CDH18: variants seen among roughly 807,000 people sequenced by gnomAD.
The protein encoded by CDH18 is cadherin 18, also known as cadherin-18.
Under a neutral mutation model 67.9 loss-of-function variants are expected in CDH18, and 31 were observed. That is an observed-to-expected ratio of 0.46 (90% CI 0.34 to 0.62). CDH18 has a LOEUF of 0.62. CDH18 is among the 20% of genes least tolerant of loss of function. The probability of loss-of-function intolerance (pLI) is 0.01; values close to 1 mark genes in which losing one functional copy is unlikely to be tolerated. For missense variants in CDH18, 890 were observed against 975.5 expected (o/e 0.91, Z 1.17); for synonymous variants, 362 against 347.2 (o/e 1.04, Z -0.48).
At chr5:19,572,897 T>C (rs915030428) in intron 7 of CDH18, among the ~76,000 whole-genome samples, 4 of 152,240 alleles carry the variant, frequency 2.6e-5, no homozygotes, top group Middle Eastern at 3.4e-3. Flanking sequence ...ACTATAATAC[T>C]TATAATAAGT....
chr5:20,532,606 A>G (rs546499057), intron 1 of CDH18, among the ~76,000 whole-genome samples: 2 of 152,178 alleles, frequency 1.3e-5, no homozygotes, highest in African/African-American at 4.8e-5. Context: ...ATATGCACAG[A>G]GTTTTTTAAG....
chr5:19,564,594 G>C lies in CDH18; in HGVS notation c.1253+6985C>G, dbSNP rs1273578883. Among the ~76,000 whole-genome samples the C allele has an allele frequency of 2.6e-5, 4 of 152,138 alleles. No homozygotes were observed. The East Asian group carries it at 7.7e-4, about 29-fold the overall frequency. On this transcript the variant is annotated intron_variant, in intron 8 of 12. Coordinates refer to ENST00000382275, the MANE Select transcript of CDH18 (RefSeq NM_004934.5). ...CAGACATTACTCATCGTGGGCTTTT[G>C]ATGAGAATGAGACTCAGGTGTAACC...
At chr5:20,513,606 T>G (rs933303074) in intron 1 of CDH18, among the ~76,000 whole-genome samples, 1 of 152,146 alleles carries the variant, frequency 6.6e-6, no homozygotes, top group Non-Finnish European at 1.5e-5. Flanking sequence ...GGCAGAAATG[T>G]CCAGGTTGAT....
intron 3 of CDH18, among the ~76,000 whole-genome samples, chr5:19,778,117 T>G (rs760524595): frequency 6.6e-6 from 1 of 152,122 alleles, no homozygotes; most frequent in African/African-American, 2.4e-5. Context: ...AAAATCTCAA[T>G]AGACACAAAA....
chr5:19,780,037 G>A (rs1283729492), intron 3 of CDH18, among the ~76,000 whole-genome samples: 2 of 152,104 alleles, frequency 1.3e-5, no homozygotes, highest in African/African-American at 4.8e-5. Context: ...GCCTGTTAAT[G>A]TCTTTCCTTA....
chr5:20,346,248 T>C (rs2150050561), intron 1 of CDH18, among the ~76,000 whole-genome samples: 1 of 152,254 alleles, frequency 6.6e-6, no homozygotes. Flanking sequence ...AGAGTCTTAT[T>C]AATTAAAATT....
At chr5:19,808,909 G>A (rs1778342944) in intron 3 of CDH18, among the ~76,000 whole-genome samples, 2 of 149,884 alleles carry the variant, frequency 1.3e-5, no homozygotes, top group South Asian at 4.2e-4. Context: ...AACAATTTTT[G>A]GAATATATAT....
intron 2 of CDH18, among the ~76,000 whole-genome samples, chr5:20,065,309 A>G (rs1328175655): frequency 6.6e-6 from 1 of 152,000 alleles, no homozygotes; most frequent in Non-Finnish European, 1.5e-5. Context: ...AATTAGATAC[A>G]ATTGATTTGG....
At chr5:20,223,337 TG>T (rs1477612388) in intron 2 of CDH18, among the ~76,000 whole-genome samples, 3 of 152,210 alleles carry the variant, frequency 2.0e-5, no homozygotes, top group African/African-American at 7.2e-5. Flanking sequence ...TTATCCCTTT[TG>T]GAACAGTTGT....
intron 4 of CDH18, among the ~76,000 whole-genome samples, chr5:19,727,963 T>C (rs1384955094): frequency 6.6e-6 from 1 of 152,170 alleles, no homozygotes; most frequent in Non-Finnish European, 1.5e-5. Flanking sequence ...AAACGGATTA[T>C]CAGTATTTAT....
intron 7 of CDH18, among the ~76,000 whole-genome samples, chr5:19,584,199 G>T (rs1163779097): frequency 6.6e-6 from 1 of 152,078 alleles, no homozygotes; most frequent in Non-Finnish European, 1.5e-5. Context: ...ACCCAGCCAG[G>T]CTTCATTAAA....
intron 2 of CDH18, among the ~76,000 whole-genome samples, chr5:19,980,362 C>A: frequency 6.6e-6 from 1 of 151,940 alleles, no homozygotes; most frequent in East Asian, 1.9e-4. Flanking sequence ...ATACATACAT[C>A]AGAAAAAGTA....
chr5:20,502,400 T>G (rs1295844299), intron 1 of CDH18, among the ~76,000 whole-genome samples: 1 of 152,124 alleles, frequency 6.6e-6, no homozygotes, highest in Admixed American at 6.6e-5. Flanking sequence ...TATTCAACCA[T>G]TAGTTCATGT....
chr5:20,160,362 T>C lies in CDH18; in HGVS notation c.-518+95082A>G, dbSNP rs549403120. Among the ~76,000 whole-genome samples, 265 of 152,256 alleles carry C rather than the reference T, an allele frequency of 1.7e-3. 1 individual carries two copies. The highest frequency in any genetic ancestry group is 3.0e-3 in the Non-Finnish European group (205 of 68,018). The stretch of plus-strand genomic sequence containing the variant: ...CTGAAAATTGAACCATCATGAGCAA[T>C]ACATAGATTCAGATAGCTTTCTCTA... On this transcript the variant is annotated intron_variant, in intron 2 of 14. Coordinates refer to the CDH18 transcript ENST00000507958.
chr5:20,051,575 T>C (rs1029210519), intron 2 of CDH18, among the ~76,000 whole-genome samples: 3 of 151,986 alleles, frequency 2.0e-5, no homozygotes, highest in Non-Finnish European at 4.4e-5. Flanking sequence ...TCATGAAGGT[T>C]TGTAACTAAA....
chr5:19,645,455 G>C (rs1754607166), intron 5 of CDH18, among the ~76,000 whole-genome samples: 1 of 152,164 alleles, frequency 6.6e-6, no homozygotes, highest in Non-Finnish European at 1.5e-5. Context: ...GAGAGGTAGA[G>C]AGGGCTAAAT....
At chr5:20,535,834 A>G (rs1436455156) in intron 1 of CDH18, among the ~76,000 whole-genome samples, 2 of 152,140 alleles carry the variant, frequency 1.3e-5, no homozygotes, top group African/African-American at 4.8e-5. Context: ...TCTGTGCTGC[A>G]TCTCCTTCCA....
chr5:19,805,574 T>C (rs1382560005), intron 3 of CDH18, among the ~76,000 whole-genome samples: 1 of 152,182 alleles, frequency 6.6e-6, no homozygotes, highest in Non-Finnish European at 1.5e-5. Context: ...CATTTTTCTA[T>C]ACCTGCCTAT....
chr5:20,221,396 T>C (rs1327588708), intron 2 of CDH18, among the ~76,000 whole-genome samples: 3 of 151,964 alleles, frequency 2.0e-5, no homozygotes, highest in Non-Finnish European at 4.4e-5. Flanking sequence ...CACTCATGTG[T>C]GGAATCTGAA....
Sources: gnomAD v4.1 joint callset for allele counts (sites outside exome capture counted in the v4.1 genomes callset) on GRCh38, gnomAD v4.1.1 for gene constraint, MANE v1.5 for transcripts, NCBI Gene and HGNC (gene_info 2026-07-23, HGNC 2026-07-21) for gene names.